The following BRWD1 variants were observed in gnomAD, a reference collection of about 807,000 sequenced individuals.
BRWD1 encodes the protein bromodomain and WD repeat domain containing 1, also known as bromodomain and WD repeat-containing protein 1.
Under a neutral mutation model 251.2 loss-of-function variants are expected in BRWD1, and 82 were observed. The ratio of observed to expected loss-of-function variants is 0.33; its 90% CI spans 0.27 to 0.39. The LOEUF (loss-of-function observed/expected upper bound fraction) is 0.39. Among genes scored for constraint, BRWD1 ranks in the 10% least tolerant of loss-of-function variants. BRWD1 has a pLI of 1.00. For missense variants in BRWD1, 2,233 were observed against 2,711.6 expected (o/e 0.82, Z 3.92); for synonymous variants, 918 against 902.8 (o/e 1.02, Z -0.30).
chr21:39,248,899 G>A (rs540704131), intron 20 of BRWD1, among the ~76,000 whole-genome samples: 14 of 152,062 alleles, frequency 9.2e-5, no homozygotes, highest in Non-Finnish European at 1.3e-4. Context: ...CTACCATAAC[G>A]ACATATATAC....
Position 39,218,164 on chromosome 21 carries a change from T to C in BRWD1, c.3647A>G (p.Asn1216Ser). 1 of 1,605,306 alleles carries C rather than the reference T, an allele frequency of 6.2e-7. No homozygotes were observed. The change falls in exon 31 of 41, where the codon AAT becomes AGT. Residue 1216 changes from asparagine to serine, a missense_variant. Physicochemically the swap from Asn to Ser is conservative, Grantham distance 46 (BLOSUM62 1). This residue lies in a region of BRWD1 where 167 missense variants were observed against 183.2 expected (regional missense o/e 0.91). Transcript: ENST00000342449. Reference sequence around the variant, plus strand: ...GGTTTCTACTAACCTGTAAAATCGATTAACAAGTCTCATTCGAATTGTGTA... The same window carrying C: ...GGTTTCTACTAACCTGTAAAATCGACTAACAAGTCTCATTCGAATTGTGTA... ...DLYTIRMRLV[N>S]RFYRRLSALV...
At position 39,193,242 on chromosome 21, in the gene BRWD1, C is replaced by G. The variant is rs1194442481; in HGVS notation, c.*3017G>C. On this transcript the variant is annotated 3_prime_UTR_variant, in exon 41 of 41. Transcript: ENST00000342449. ...GAACCTTTCTGTTGTAATTTACAAG[C>G]TGTGAGTAACTGCTATATCATTGTT... 1.0e-5 allele frequency: 10 copies of G among 984,792 alleles called. No homozygotes were observed. Among genetic ancestry groups the G allele is most frequent in the Non-Finnish European group, 1.2e-5 (10 of 829,576 alleles). The allele number at this position is 984,792 out of a possible 1,614,324, so 61.0% of individuals were successfully genotyped here. A position where few individuals can be genotyped will look rare whatever the true frequency, so the allele number is the denominator to read the frequency against.
At chr21:39,204,634 A>T (rs928646244) in intron 37 of BRWD1, among the ~76,000 whole-genome samples, 6 of 152,258 alleles carry the variant, frequency 3.9e-5, no homozygotes, top group South Asian at 2.1e-4. Flanking sequence ...ATTATTCTCT[A>T]CATAGCAGTC....
rs1486238656 is a variant in BRWD1, at chr21:39,293,294, A to G, written c.831+517T>C. Among the ~76,000 whole-genome samples, 4 of 152,148 alleles carry G rather than the reference A, an allele frequency of 2.6e-5. No homozygotes were observed. In the East Asian group the frequency reaches 7.7e-4, roughly 29 times the overall value. ...CAGGTTACTTGGTCAGGAGTTCGAG[A>G]CCAGCCTGCCCAACATGGTGAAACC... On this transcript the variant is annotated intron_variant, in intron 8 of 40. Coordinates refer to ENST00000342449, the MANE Select transcript of BRWD1 (RefSeq NM_033656.4).
intron 4 of BRWD1, among the ~76,000 whole-genome samples, chr21:39,310,640 T>C (rs1377602571): frequency 6.6e-6 from 1 of 152,144 alleles, no homozygotes; most frequent in East Asian, 1.9e-4. Flanking sequence ...TTTGATGATA[T>C]ACAGCGGTGC....
intron 4 of BRWD1, among the ~76,000 whole-genome samples, 185 bp from the exon 5 acceptor site, chr21:39,298,767 T>A (rs749256862): frequency 6.6e-6 from 1 of 152,218 alleles, no homozygotes; most frequent in Non-Finnish European, 1.5e-5. Context: ...GATTCAAACC[T>A]GTAACACTCA....
rs143236436 is a variant in BRWD1, at chr21:39,301,382, G to A, written c.199-2800C>T. 2.3e-3 allele frequency among the ~76,000 whole-genome samples: 351 copies of A among 152,166 alleles called. 2 individuals carry two copies. Among genetic ancestry groups the A allele is most frequent in the African/African-American group, 7.9e-3 (328 of 41,522 alleles). ...TGTCTTGCTAAGACTCTACTGCCTC[G>A]TCAGCTTTCATCTTTTGATAACTCA... On this transcript the variant is annotated intron_variant, in intron 4 of 40. Coordinates refer to ENST00000342449, the MANE Select transcript of BRWD1 (RefSeq NM_033656.4).
rs1047956885 is a variant in BRWD1 at position 39,313,518 on chromosome 21, G to A, written c.-27C>T. ...GCCGGGCGCGGGGCGGGAGGCGGGA[G>A]CGAGCGAGCGAGCGGAGCGTGTAGG... is the stretch of plus-strand genomic sequence containing the variant. On this transcript the variant is annotated 5_prime_UTR_variant, in exon 1 of 41. Transcript: ENST00000342449. 1.5e-6 allele frequency: 2 copies of A among 1,321,948 alleles called. No individual in the cohort carries two copies. The highest frequency in any genetic ancestry group is 2.0e-5 in the South Asian group (1 of 49,322). The allele number at this position is 1,321,948 out of a possible 1,614,324, so 81.9% of individuals were successfully genotyped here.
intron 7 of BRWD1, among the ~76,000 whole-genome samples, chr21:39,294,594 G>A (rs1440665664): frequency 2.0e-5 from 3 of 151,212 alleles, no homozygotes; most frequent in Non-Finnish European, 2.9e-5. Flanking sequence ...GACAGAGCTT[G>A]CAGTGAGCGG....
At chr21:39,279,550 A>T (rs1192407455) in intron 9 of BRWD1, among the ~76,000 whole-genome samples, 5 of 151,102 alleles carry the variant, frequency 3.3e-5, no homozygotes, top group Admixed American at 3.3e-4. Context: ...GAGGCAGGAG[A>T]ATCACTTGAA....
intron 27 of BRWD1, 95 bp from the exon 28 acceptor site, chr21:39,225,292 G>GAAC: frequency 1.1e-6 from 1 of 900,872 alleles, no homozygotes; most frequent in Non-Finnish European, 1.7e-6. Context: ...AGATAAAAAA[G>GAAC]CCAAAAGCAC....
rs924511130 is a variant in BRWD1, at chr21:39,186,083, T to A, written c.*10176A>T. 14 of 152,182 alleles carry A rather than the reference T, an allele frequency of 9.2e-5. No individual in the cohort carries two copies. Among genetic ancestry groups the A allele is most frequent in the African/African-American group, 3.4e-4 (14 of 41,454 alleles). 9.4% of individuals were successfully genotyped at this position (152,182 alleles called of 1,614,324 possible). A position where few individuals can be genotyped will look rare whatever the true frequency, so the allele number is the denominator to read the frequency against. On this transcript the variant is annotated 3_prime_UTR_variant, in exon 41 of 41. Transcript: ENST00000342449. ...ATTGTAGTAAGTTTACTCAAAGTAT[T>A]CAAGTTCTAATTTTTAAGGTGCTGT... is the stretch of plus-strand genomic sequence containing the variant.
chr21:39,311,204 A>G (rs1359317279), intron 4 of BRWD1, among the ~76,000 whole-genome samples: 1 of 152,028 alleles, frequency 6.6e-6, no homozygotes, highest in African/African-American at 2.4e-5. Flanking sequence ...GCCTTGCTCC[A>G]TCTCCCAGGC....
At position 39,253,987 on chromosome 21, in the gene BRWD1, C is replaced by T. The variant is rs145559598; in HGVS notation, c.2255+1658G>A. Among the ~76,000 whole-genome samples, 463 of 152,314 alleles carry T rather than the reference C, an allele frequency of 3.0e-3. 2 individuals are homozygous for T. The highest frequency in any genetic ancestry group is 0.011 in the African/African-American group (443 of 41,556). On this transcript the variant is annotated intron_variant, in intron 19 of 40. Coordinates refer to ENST00000342449, the MANE Select transcript of BRWD1 (RefSeq NM_033656.4). ...GCAATATAAAATATCATTTCTTAGG[C>T]TGGGCGTAGTGGCTCACACCTGTAA...
chr21:39,191,879 A>C lies in BRWD1; in HGVS notation c.*4380T>G. 1 of 984,196 alleles carries C rather than the reference A, an allele frequency of 1.0e-6. No individual in the cohort carries two copies. The highest frequency in any genetic ancestry group is 1.2e-6 in the Non-Finnish European group (1 of 828,868). 61.0% of individuals were successfully genotyped at this position (984,196 alleles called of 1,614,324 possible). On this transcript the variant is annotated 3_prime_UTR_variant, in exon 41 of 41. Transcript: ENST00000342449. ...TTACCTTAAAACTGACATAACTAAAATATGACCAGAAAGTATACCATAGCA... is the reference window on the plus strand; with the variant it reads ...TTACCTTAAAACTGACATAACTAAACTATGACCAGAAAGTATACCATAGCA...
At chr21:39,291,712 C>A (rs530607291) in intron 8 of BRWD1, among the ~76,000 whole-genome samples, 3 of 139,182 alleles carry the variant, frequency 2.2e-5, no homozygotes, top group African/African-American at 8.1e-5. Flanking sequence ...CTAAAACCTT[C>A]GCCCAGAGGG....
intron 1 of BRWD1, 49 bp from the exon 2 acceptor site, chr21:39,313,348 G>A: frequency 2.7e-6 from 4 of 1,495,606 alleles, no homozygotes; most frequent in South Asian, 1.2e-5. Context: ...GAGGGGAGGG[G>A]GACGGGGCCA....
Position 39,203,438 on chromosome 21 carries a change from C to CTTTTTTTTTTTTT in BRWD1, c.4365-906_4365-894dup, listed in dbSNP as rs71330353. Among the ~76,000 whole-genome samples the CTTTTTTTTTTTTT allele has an allele frequency of 9.6e-3, 650 of 67,706 alleles. 76 individuals carry two copies. Among genetic ancestry groups the CTTTTTTTTTTTTT allele is most frequent in the Non-Finnish European group, 0.016 (537 of 34,556 alleles). 44.4% of individuals were successfully genotyped at this position (67,706 alleles called of 152,430 possible). ...TGGGCAACAGAGCAAGACCCTGGTT[C>CTTTTTTTTTTTTT]TTTTTTTTTTTTTTTTTTTTTTTTG... is the stretch of plus-strand genomic sequence containing the variant. On this transcript the variant is annotated intron_variant, in intron 37 of 40. Coordinates refer to ENST00000342449, the MANE Select transcript of BRWD1 (RefSeq NM_033656.4).
chr21:39,286,115 C>T (rs958554607), intron 8 of BRWD1, among the ~76,000 whole-genome samples: 6 of 151,040 alleles, frequency 4.0e-5, no homozygotes, highest in East Asian at 2.0e-4. Flanking sequence ...CCCAGGTTCA[C>T]GCCATTCTCC....
Sources: gnomAD v4.1 joint callset for allele counts (sites outside exome capture counted in the v4.1 genomes callset) on GRCh38, gnomAD v4.1.1 for gene constraint, gnomAD v4.1.1 regional missense constraint, MANE v1.5 for transcripts, NCBI Gene and HGNC (gene_info 2026-07-23, HGNC 2026-07-21) for gene names.